Variants in SRP68 observed in about 807,000 individuals in gnomAD.
The protein encoded by SRP68 is signal recognition particle 68.
Under a neutral mutation model 82.2 loss-of-function variants are expected in SRP68, and 15 were observed. That is an observed-to-expected ratio of 0.18 (90% CI 0.12 to 0.28). The LOEUF is 0.28. Ranked by LOEUF, SRP68 falls within the 10% of genes least tolerant of loss-of-function variation. SRP68 has a pLI of 1.00. For synonymous variants in SRP68, 261 were observed against 292.6 expected (o/e 0.89, Z 1.10); for missense variants, 595 against 780.5 (o/e 0.76, Z 2.83).
intron 11 of SRP68, 33 bp downstream of exon 11, chr17:76,046,005 C>T (rs779471698): frequency 5.0e-6 from 8 of 1,612,300 alleles, no homozygotes; most frequent in Non-Finnish European, 6.8e-6. Context: ...AGGAAAACCA[C>T]AGGCCCTTGC....
chr17:76,070,947 A>C lies in SRP68; in HGVS notation c.185-503T>G, dbSNP rs181065816. Among the ~76,000 whole-genome samples, 8 of 152,256 alleles carry C rather than the reference A, an allele frequency of 5.3e-5. No homozygotes were observed. The East Asian group carries it at 1.5e-3, about 29-fold the overall frequency. ...CCATTTTCAATATCTATCTTGTCAC[A>C]GGACAGGGCTAACCTACAGGAAAAC... is the stretch of plus-strand genomic sequence containing the variant. On this transcript the variant is annotated intron_variant, in intron 1 of 15. Coordinates refer to ENST00000307877, the MANE Select transcript of SRP68 (RefSeq NM_014230.4).
At chr17:76,040,838 G>A in intron 14 of SRP68, 65 bp downstream of exon 14, 2 of 1,443,524 alleles carry the variant, frequency 1.4e-6, no homozygotes, top group South Asian at 2.3e-5. Context: ...AGTATGGGGT[G>A]TGACAGAGAA....
chr17:76,046,324 T>G, intron 10 of SRP68, 130 bp from the exon 11 acceptor site: 3 of 1,043,560 alleles, frequency 2.9e-6, no homozygotes, highest in South Asian at 1.4e-5. Context: ...GCAGGGCCAT[T>G]TGGCTTGGGC....
At chr17:76,052,810 A>G (rs2066684035) in intron 8 of SRP68, among the ~76,000 whole-genome samples, 1 of 151,702 alleles carries the variant, frequency 6.6e-6, no homozygotes, top group Non-Finnish European at 1.5e-5. Flanking sequence ...TCTCAAAAAA[A>G]AAAAAAAAAA....
intron 9 of SRP68, chr17:76,049,777 C>T (rs896524629): frequency 6.6e-6 from 1 of 152,114 alleles, no homozygotes. Context: ...GGTGCAGGCT[C>T]AATGCTGCCT....
At position 76,072,090 on chromosome 17, in the gene SRP68, G is replaced by C. The variant is rs963972634; in HGVS notation, c.184+218C>G. 3 of 882,010 alleles carry C rather than the reference G, an allele frequency of 3.4e-6. No homozygotes were observed. Among genetic ancestry groups the C allele is most frequent in the East Asian group, 2.8e-5 (1 of 35,646 alleles). 54.6% of individuals were successfully genotyped at this position (882,010 alleles called of 1,614,324 possible). On this transcript the variant is annotated intron_variant, in intron 1 of 15. Coordinates refer to ENST00000307877, the MANE Select transcript of SRP68 (RefSeq NM_014230.4). The surrounding 1 kb of genome is among the most constrained non-coding windows in gnomAD (Gnocchi z 4.5). ...GCCTGATATCCCAGTGCCACTGGAA[G>C]AAACGGACCTAGCCAGGACGGCGAG... is the stretch of plus-strand genomic sequence containing the variant.
intron 8 of SRP68, among the ~76,000 whole-genome samples, chr17:76,051,325 G>C (rs1274977246): frequency 6.6e-6 from 1 of 152,216 alleles, no homozygotes; most frequent in African/African-American, 2.4e-5. Flanking sequence ...TGACCGAGCA[G>C]ATAGAAATGG....
chr17:76,044,137 T>C (rs1166138181), intron 12 of SRP68, among the ~76,000 whole-genome samples, 179 bp from the exon 13 acceptor site: 1 of 152,170 alleles, frequency 6.6e-6, no homozygotes, highest in Non-Finnish European at 1.5e-5. Context: ...GCAGAGATGC[T>C]TCCCAGCAAT....
chr17:76,055,615 G>A (rs1488316448), intron 8 of SRP68, among the ~76,000 whole-genome samples: 2 of 151,740 alleles, frequency 1.3e-5, no homozygotes, highest in Non-Finnish European at 2.9e-5. Flanking sequence ...TTAGCCGGGT[G>A]TGATGGTGGG....
At position 76,043,967 on chromosome 17, in the gene SRP68, G is replaced by T; in HGVS notation, c.1395-9C>A. The T allele has an allele frequency of 6.3e-7, 1 of 1,594,960 alleles. No homozygotes were observed. The highest frequency in any genetic ancestry group is 1.1e-5 in the South Asian group (1 of 87,130). ...GAGCAATGAAAAAACACCTGATGGG[G>T]AGGGAAAAGAGCCACAATATTCTAA... On this transcript the variant is annotated splice_polypyrimidine_tract_variant and intron_variant, in intron 12 of 15. Transcript: ENST00000307877.
In SRP68 at chr17:76,039,700, G is replaced by C; in HGVS notation, c.*6C>G. 2.5e-6 allele frequency: 4 copies of C among 1,609,674 alleles called. No homozygotes were observed. The highest frequency in any genetic ancestry group is 2.6e-6 in the Non-Finnish European group (3 of 1,176,102). ...GAATCTCCCCCGCCCCCGAGGAAGA[G>C]CCTGGTTAGCTCCTGAATCCAAAGA... On this transcript the variant is annotated 3_prime_UTR_variant, in exon 16 of 16. Transcript: ENST00000307877.
rs1211586857 is a variant in SRP68, at chr17:76,046,054, T to C, written c.1283A>G (p.Tyr428Cys). 3 of 1,613,872 alleles carry C rather than the reference T, an allele frequency of 1.9e-6. No individual in the cohort carries two copies. The highest frequency in any genetic ancestry group is 2.5e-6 in the Non-Finnish European group (3 of 1,179,866). The change falls in exon 11 of 16, where the codon TAT becomes TGT. Residue 428 changes from tyrosine to cysteine, a missense_variant. Tyr to Cys is a radical substitution (Grantham distance 194). Transcript: ENST00000307877. ...SPRPQDLIRL[Y>C]DIILQNLVEL... ...AAGGGTCACCTGTAAGATGATGTCA[T>C]AGAGTCGGATCAGGTCCTGGGGCCG...
intron 9 of SRP68, 139 bp downstream of exon 9, chr17:76,050,289 A>G: frequency 7.9e-5 from 44 of 558,856 alleles, no homozygotes; most frequent in East Asian, 1.6e-4. Context: ...CTCCCTTACG[A>G]CCTCACCTCA....
chr17:76,043,548 A>C (rs978144291), intron 13 of SRP68: 8 of 217,022 alleles, frequency 3.7e-5, no homozygotes, highest in African/African-American at 1.9e-4. Flanking sequence ...CGTGCAGTCA[A>C]GTCTGAGAGC....
intron 4 of SRP68, among the ~76,000 whole-genome samples, chr17:76,063,767 G>C (rs911386832): frequency 6.7e-6 from 1 of 149,786 alleles, no homozygotes; most frequent in African/African-American, 2.4e-5. Context: ...ATGGAATGAA[G>C]CGTTGCCCAA....
intron 14 of SRP68, 78 bp from the exon 15 acceptor site, chr17:76,040,552 G>A: frequency 2.8e-6 from 4 of 1,444,804 alleles, no homozygotes; most frequent in Non-Finnish European, 3.9e-6. Flanking sequence ...TATCACACAG[G>A]TGGCCCCTAC....
Position 76,043,870 on chromosome 17 carries a change from C to A in SRP68, c.1483G>T (p.Glu495Ter). 6.2e-7 allele frequency: 1 copy of A among 1,611,018 alleles called. No homozygotes were observed. The highest frequency in any genetic ancestry group is 1.1e-5 in the South Asian group (1 of 90,542). ...AAGGCGCCAGCATCAGAATTTACTT[C>A]ATTTGCATATTTCAGGACTCTGTCA... ...LYDRVLKYAN[E>*]VNSDAGAFKN... The change falls in exon 13 of 16, where the codon GAA (glutamate) becomes TAA (stop). Residue 495 changes from glutamate (E) to a stop codon, truncating the protein, a stop_gained. Coordinates refer to ENST00000307877, the MANE Select transcript of SRP68 (RefSeq NM_014230.4). LOFTEE classifies it high-confidence loss of function.
At chr17:76,041,911 G>A (rs1198956804) in intron 13 of SRP68, among the ~76,000 whole-genome samples, 1 of 149,862 alleles carries the variant, frequency 6.7e-6, no homozygotes, top group Non-Finnish European at 1.5e-5. Flanking sequence ...TTCTTTTTTT[G>A]AGACGGAGTC....
intron 10 of SRP68, 73 bp downstream of exon 10, chr17:76,047,833 A>G: frequency 1.3e-6 from 1 of 770,626 alleles, no homozygotes. Flanking sequence ...AAATATACAT[A>G]AATATTACAT....
Sources: gnomAD v4.1 joint callset for allele counts (sites outside exome capture counted in the v4.1 genomes callset) on GRCh38, gnomAD v4.1.1 for gene constraint, Gnocchi (gnomAD v3.1) non-coding constraint, MANE v1.5 for transcripts, NCBI Gene and HGNC (gene_info 2026-07-23, HGNC 2026-07-21) for gene names.